Variants in IDI1 observed in about 807,000 individuals in gnomAD.
The protein encoded by IDI1 is isopentenyl-diphosphate delta isomerase 1.
A neutral mutation model predicts 32.9 loss-of-function variants in IDI1; 23 were observed. That is an observed-to-expected ratio of 0.70 (90% CI 0.50 to 0.99). The LOEUF is 0.99. IDI1 is among the 50% of genes least tolerant of loss of function. The pLI, the probability that IDI1 is intolerant of heterozygous loss-of-function variation, is 0.00. For synonymous variants in IDI1, 133 were observed against 128.2 expected (o/e 1.04, Z -0.25); for missense variants, 326 against 351.9 (o/e 0.93, Z 0.59).
chr10:1,048,837 C>A, intron 1 of IDI1, 27 bp downstream of exon 1: 8 of 1,601,236 alleles, frequency 5.0e-6, no homozygotes, highest in Non-Finnish European at 6.8e-6. Context: ...CCCCTGTCTC[C>A]CGAACTCCGC....
chr10:1,049,074 T>G lies in IDI1; in HGVS notation c.-71A>C. ...CCAAGCTTCGCCTGGTGGTGCCACC[T>G]CCCTGGCCTGTGACAACGGCAGACG... On this transcript the variant is annotated 5_prime_UTR_variant, in exon 1 of 5. Coordinates refer to ENST00000381344, the MANE Select transcript of IDI1 (RefSeq NM_004508.4). The G allele has an allele frequency of 7.0e-7, 1 of 1,423,570 alleles. No individual in the cohort carries two copies. Among genetic ancestry groups the G allele is most frequent in the Non-Finnish European group, 9.1e-7 (1 of 1,096,914 alleles). The allele number at this position is 1,423,570 out of a possible 1,614,324, so 88.2% of individuals were successfully genotyped here. A position where few individuals can be genotyped will look rare whatever the true frequency, so the allele number is the denominator to read the frequency against.
Position 1,040,979 on chromosome 10 carries a change from C to T in IDI1, c.*208G>A, listed in dbSNP as rs997096165. The T allele has an allele frequency of 2.2e-6, 1 of 446,050 alleles. No homozygotes were observed. Among genetic ancestry groups the T allele is most frequent in the South Asian group, 4.8e-5 (1 of 20,690 alleles). 27.6% of individuals were successfully genotyped at this position (446,050 alleles called of 1,614,324 possible). Reference sequence around the variant, plus strand: ...TCACAAATGTCGCTTAGAAACAGAACACATATCCAGGGTGTGTGATACAAA... The same window carrying T: ...TCACAAATGTCGCTTAGAAACAGAATACATATCCAGGGTGTGTGATACAAA... On this transcript the variant is annotated 3_prime_UTR_variant, in exon 5 of 5. Coordinates refer to ENST00000381344, the MANE Select transcript of IDI1 (RefSeq NM_004508.4).
chr10:1,048,873 C>T lies in IDI1; in HGVS notation c.131G>A (p.Arg44Lys), dbSNP rs747456264. 6 of 1,606,334 alleles carry T rather than the reference C, an allele frequency of 3.7e-6. No individual in the cohort carries two copies. In the Admixed American group the frequency reaches 6.7e-5, roughly 18 times the overall value. The change falls in exon 1 of 5, where the codon AGG (arginine) becomes AAG (lysine). Residue 44 changes from arginine to lysine, a missense_variant. Arg to Lys is a conservative substitution (Grantham distance 26). Transcript: ENST00000381344. ...CGCCCGTCCACAGTACCTGATCAGC[C>T]TCCGGCCACAGACAACCGCCGGTCC... Reference protein sequence around the residue: ...HPGPAVVCGRRLISVLEQIRH... With the variant: ...HPGPAVVCGRKLISVLEQIRH...
chr10:1,048,826 G>GC, intron 1 of IDI1, 38 bp downstream of exon 1: 2 of 1,596,778 alleles, frequency 1.3e-6, no homozygotes, highest in South Asian at 1.1e-5. Flanking sequence ...ATGCCGCCCT[G>GC]CCCCTGTCTC....
In IDI1 at chr10:1,044,191, G is replaced by A. The variant is rs948169108; in HGVS notation, c.141-20C>T. 7 of 1,573,332 alleles carry A rather than the reference G, an allele frequency of 4.4e-6. No homozygotes were observed. The East Asian group carries it at 1.6e-4, about 35-fold the overall frequency. On this transcript the variant is annotated intron_variant, in intron 1 of 4. Coordinates refer to ENST00000381344, the MANE Select transcript of IDI1 (RefSeq NM_004508.4). ...AGAACACTAATATTAAAGGAAAAGA[G>A]AAAGAAAGGCCATCATATATTTTTC...
chr10:1,050,265 AAC>A (rs1318077580), upstream of IDI1, among the ~76,000 whole-genome samples: 1 of 152,252 alleles, frequency 6.6e-6, no homozygotes, highest in African/African-American at 2.4e-5. Context: ...CCAGACAAAA[AAC>A]AGACTTTGAT....
At position 1,042,747 on chromosome 10, in the gene IDI1, G is replaced by A; in HGVS notation, c.422C>T (p.Thr141Met). Residue 141 changes from threonine (T) to methionine (M), a missense_variant, in exon 4 of 5, where the codon ACG becomes ATG. Transcript: ENST00000381344. ...KITFPGCFTN[T>M]CCSHPLSNPA... Reference sequence around the variant, plus strand: ...ATTGCTTAATGGATGACTACAACACGTATTCGTAAAACAACCTGGAAAATG... The same window carrying A: ...ATTGCTTAATGGATGACTACAACACATATTCGTAAAACAACCTGGAAAATG... 1.2e-6 allele frequency: 2 copies of A among 1,613,528 alleles called. No individual in the cohort carries two copies. Among genetic ancestry groups the A allele is most frequent in the Non-Finnish European group, 1.7e-6 (2 of 1,179,654 alleles).
At chr10:1,052,136 G>A (rs1292818877), upstream of IDI1, among the ~76,000 whole-genome samples, 1 of 152,202 alleles carries the variant, frequency 6.6e-6, no homozygotes, top group East Asian at 1.9e-4. Context: ...CTCTCAAAAT[G>A]CTGGGATTAT....
At chr10:1,050,309 G>A (rs1384659251), upstream of IDI1, among the ~76,000 whole-genome samples, 2 of 152,164 alleles carry the variant, frequency 1.3e-5, no homozygotes, top group African/African-American at 4.8e-5. Context: ...TCTCTTTCAT[G>A]TCTGGCTTCA....
chr10:1,042,093 C>T (rs1259295090), intron 4 of IDI1, among the ~76,000 whole-genome samples: 1 of 152,150 alleles, frequency 6.6e-6, no homozygotes, highest in East Asian at 1.9e-4. Context: ...AGGCGTGAGC[C>T]ACCACGACCG....
rs752858240 is a variant in IDI1 at position 1,048,903 on chromosome 10, T to C, written c.101A>G (p.His34Arg). The C allele has an allele frequency of 6.2e-6, 10 of 1,606,340 alleles. No homozygotes were observed. In the African/African-American group the frequency reaches 8.1e-5, roughly 13 times the overall value. Residue 34 changes from histidine to arginine, a missense_variant, in exon 1 of 5, where the codon CAT (histidine) becomes CGT (arginine). Physicochemically the swap from His to Arg is conservative, Grantham distance 29. Coordinates refer to ENST00000381344, the MANE Select transcript of IDI1 (RefSeq NM_004508.4). Reference protein sequence around the residue: ...RAADCAQSGRHPGPAVVCGRR... With the variant: ...RAADCAQSGRRPGPAVVCGRR... ...GCCACAGACAACCGCCGGTCCCGGA[T>C]GGCGCCCGCTTTGAGCACAGTCTGC...
chr10:1,049,918 G>T (rs772683571), upstream of IDI1, among the ~76,000 whole-genome samples: 4 of 152,198 alleles, frequency 2.6e-5, no homozygotes, highest in African/African-American at 9.7e-5. Context: ...TTACCGAAGT[G>T]CTGAGATTCC....
At position 1,043,388 on chromosome 10, in the gene IDI1, A is replaced by G. The variant is rs1247640752; in HGVS notation, c.319T>C (p.Leu107=). ...HLNENIEKGL[L]HRAFSVFLFN... is the part of the protein sequence containing the mutation. ...AAGAAGACACTAAAAGCTCGATGCA[A>G]TAATCCTGAAAGCAAAAGAAATAAC... Residue 107 remains leucine, a synonymous_variant, in exon 3 of 5, where the codon TTG becomes CTG. Transcript: ENST00000381344. The G allele has an allele frequency of 3.8e-6, 6 of 1,595,208 alleles. No individual in the cohort carries two copies. In the Admixed American group the frequency reaches 8.3e-5, roughly 22 times the overall value.
chr10:1,042,641 G>C lies in IDI1; in HGVS notation c.528C>G (p.Pro176=), dbSNP rs1460408366. The C allele has an allele frequency of 6.2e-7, 1 of 1,613,794 alleles. No homozygotes were observed. Among genetic ancestry groups the C allele is most frequent in the Non-Finnish European group, 8.5e-7 (1 of 1,179,914 alleles). The change falls in exon 4 of 5, where the codon CCC becomes CCG. Residue 176 remains proline (P), a synonymous_variant. Coordinates refer to ENST00000381344, the MANE Select transcript of IDI1 (RefSeq NM_004508.4). ...TAGGAGAGCTGGTTACCTCTTCCAA[G>C]GGAATTCCTAGCTCAGCTTTCAGCC... ...QRRLKAELGI[P]LEEVPPEEIN... is the part of the protein sequence containing the mutation.
chr10:1,049,464 C>T (rs1049852248), upstream of IDI1: 4 of 39,076 alleles, frequency 1.0e-4, no homozygotes, highest in African/African-American at 2.0e-4. Context: ...GTTGGGCACT[C>T]CCCCCCCTCC....
chr10:1,051,493 T>C (rs753933994), upstream of IDI1, among the ~76,000 whole-genome samples: 5 of 152,210 alleles, frequency 3.3e-5, no homozygotes, highest in Admixed American at 6.5e-5. Flanking sequence ...GTAAAAGCGG[T>C]ATTTCATGAA....
chr10:1,044,609 C>T (rs1274230172), intron 1 of IDI1, among the ~76,000 whole-genome samples: 2 of 152,178 alleles, frequency 1.3e-5, no homozygotes, highest in Non-Finnish European at 2.9e-5. Flanking sequence ...CATAGTTGCT[C>T]AAGATTGCCA....
chr10:1,046,415 C>T (rs1832811745), intron 1 of IDI1, among the ~76,000 whole-genome samples: 1 of 152,202 alleles, frequency 6.6e-6, no homozygotes, highest in Non-Finnish European at 1.5e-5. Context: ...CAGTCACACA[C>T]TGTCCAAATT....
rs2131565980 is a variant in IDI1 at position 1,040,784 on chromosome 10, T to C, written c.*403A>G. ...TTTCTGAACTATGAGAAAAATTTAA[T>C]GATACATAAAGCACCTGGCAAATAG... On this transcript the variant is annotated 3_prime_UTR_variant, in exon 5 of 5. Coordinates refer to ENST00000381344, the MANE Select transcript of IDI1 (RefSeq NM_004508.4). 1 of 159,514 alleles carries C rather than the reference T, an allele frequency of 6.3e-6. No homozygotes were observed. Among genetic ancestry groups the C allele is most frequent in the South Asian group, 1.8e-4 (1 of 5,430 alleles). 9.9% of individuals were successfully genotyped at this position (159,514 alleles called of 1,614,324 possible).
Sources: gnomAD v4.1 joint callset for allele counts (sites outside exome capture counted in the v4.1 genomes callset) on GRCh38, gnomAD v4.1.1 for gene constraint, MANE v1.5 for transcripts, NCBI Gene and HGNC (gene_info 2026-07-23, HGNC 2026-07-21) for gene names.